SCAPER: variants seen among roughly 807,000 people sequenced by gnomAD.
SCAPER encodes S-phase cyclin A associated protein in the ER, also known as S phase cyclin A-associated protein in the endoplasmic reticulum.
Under a neutral mutation model 182.2 loss-of-function variants are expected in SCAPER, and 98 were observed. That is an observed-to-expected ratio of 0.54 (90% confidence interval 0.46 to 0.64). SCAPER has a LOEUF of 0.64. Among genes scored for constraint, SCAPER ranks in the 30% least tolerant of loss-of-function variants. The pLI is 0.00. For missense variants in SCAPER, 1,432 were observed against 1,690.0 expected (o/e 0.85, Z 2.68); for synonymous variants, 605 against 564.6 (o/e 1.07, Z -1.01).
chr15:76,828,683 C>T (rs866504503), intron 5 of SCAPER, among the ~76,000 whole-genome samples: 8 of 152,128 alleles, frequency 5.3e-5, no homozygotes, highest in Admixed American at 6.5e-5. Context: ...AGAAAAGATA[C>T]AGATACAGAT....
chr15:76,632,858 C>T (rs2053244466), intron 21 of SCAPER, among the ~76,000 whole-genome samples: 1 of 150,394 alleles, frequency 6.6e-6, no homozygotes, highest in South Asian at 2.1e-4. Context: ...CTGCAGCCTC[C>T]ACACCTCCCA....
At chr15:76,673,950 T>TAC (rs1491530396) in intron 20 of SCAPER, among the ~76,000 whole-genome samples, 11 of 76,970 alleles carry the variant, frequency 1.4e-4, no homozygotes, top group Non-Finnish European at 8.3e-5. Flanking sequence ...ATAATTTATC[T>TAC]ATACACACAC....
intron 17 of SCAPER, among the ~76,000 whole-genome samples, chr15:76,713,793 A>G (rs989255008): frequency 2.0e-5 from 3 of 152,070 alleles, no homozygotes; most frequent in Admixed American, 2.0e-4. Flanking sequence ...AATAAAATAA[A>G]TTTTAAAAAA....
chr15:76,376,367 A>G lies in SCAPER; in HGVS notation c.3706-56T>C. The G allele has an allele frequency of 2.0e-6, 3 of 1,522,282 alleles. No individual in the cohort carries two copies. In the South Asian group the frequency reaches 3.8e-5, roughly 19 times the overall value. 94.3% of individuals were successfully genotyped at this position (1,522,282 alleles called of 1,614,324 possible). On this transcript the variant is annotated intron_variant, in intron 28 of 31. Coordinates refer to ENST00000563290, the MANE Select transcript of SCAPER (RefSeq NM_020843.4). Reference sequence around the variant, plus strand: ...TCAGCCCAGGGAGAGCCAGGGCTGCAAATCACAAAGCAAGACTGGCCCTGT... The same window carrying G: ...TCAGCCCAGGGAGAGCCAGGGCTGCGAATCACAAAGCAAGACTGGCCCTGT...
At chr15:76,534,831 T>C (rs1231470635) in intron 23 of SCAPER, among the ~76,000 whole-genome samples, 1 of 152,200 alleles carries the variant, frequency 6.6e-6, no homozygotes, top group African/African-American at 2.4e-5. Flanking sequence ...ATTTATAAAT[T>C]ACAAGGTTAT....
chr15:76,875,014 T>C (rs1008805605), intron 2 of SCAPER, among the ~76,000 whole-genome samples: 2 of 152,072 alleles, frequency 1.3e-5, no homozygotes, highest in African/African-American at 2.4e-5. Context: ...GCAATGAATT[T>C]GTAAATCTCT....
At chr15:76,795,049 TCTTTA>T (rs2065230473) in intron 8 of SCAPER, among the ~76,000 whole-genome samples, 1 of 152,234 alleles carries the variant, frequency 6.6e-6, no homozygotes. Flanking sequence ...GACCTCATTC[TCTTTA>T]AAGTTTACAC....
intron 23 of SCAPER, chr15:76,567,140 T>C (rs936175485): frequency 4.0e-6 from 1 of 249,444 alleles, no homozygotes; most frequent in African/African-American, 2.3e-5. Flanking sequence ...ATGACTGGAA[T>C]TGTAACAGTA....
At chr15:76,522,587 G>C (rs1445878519) in intron 23 of SCAPER, among the ~76,000 whole-genome samples, 1 of 152,132 alleles carries the variant, frequency 6.6e-6, no homozygotes, top group Non-Finnish European at 1.5e-5. Context: ...GCAAACTTCA[G>C]ATTTTTACAC....
intron 5 of SCAPER, among the ~76,000 whole-genome samples, chr15:76,812,316 G>GA (rs914893273): frequency 5.1e-4 from 74 of 144,938 alleles, no homozygotes; most frequent in African/African-American, 8.0e-4. Context: ...TCCGTCTCAA[G>GA]AAAAAAAAAA....
intron 26 of SCAPER, among the ~76,000 whole-genome samples, chr15:76,410,816 A>C (rs1449911444): frequency 6.7e-6 from 1 of 148,956 alleles, no homozygotes; most frequent in Non-Finnish European, 1.5e-5. Context: ...TTCTCCTGTT[A>C]CCTTATTTGA....
At chr15:76,721,463 A>G (rs1480499747) in intron 17 of SCAPER, among the ~76,000 whole-genome samples, 1 of 151,948 alleles carries the variant, frequency 6.6e-6, no homozygotes, top group Non-Finnish European at 1.5e-5. Context: ...TTCTGTGAAG[A>G]AAGTCATTGG....
chr15:76,574,139 C>A lies in SCAPER; in HGVS notation c.2838+19G>T, dbSNP rs1213193233. 6.3e-7 allele frequency: 1 copy of A among 1,587,734 alleles called. No individual in the cohort carries two copies. Among genetic ancestry groups the A allele is most frequent in the Admixed American group, 1.8e-5 (1 of 57,120 alleles). On this transcript the variant is annotated intron_variant, in intron 23 of 31. Transcript: ENST00000563290. ...GATCACAAAGATTAAGGTTCAAAAG[C>A]CAGATATTAGTTACACACCTCTTTT... is the stretch of plus-strand genomic sequence containing the variant.
At chr15:76,705,163 T>C (rs1327205089) in intron 18 of SCAPER, among the ~76,000 whole-genome samples, 3 of 151,914 alleles carry the variant, frequency 2.0e-5, no homozygotes, top group African/African-American at 7.3e-5. Flanking sequence ...CCAACATTGA[T>C]AGACTGGATT....
intron 25 of SCAPER, among the ~76,000 whole-genome samples, chr15:76,469,898 T>A (rs2049998939): frequency 6.6e-6 from 1 of 150,460 alleles, no homozygotes; most frequent in African/African-American, 2.4e-5. Context: ...TGATAGAATT[T>A]TTTTTTTGCT....
In SCAPER at chr15:76,873,331, AAGGCAGGCAGGCAGGCAGGCAGGC is replaced by A. The variant is rs56176862; in HGVS notation, c.6+10457_6+10480del. On this transcript the variant is annotated intron_variant, in intron 2 of 31. Coordinates refer to ENST00000563290, the MANE Select transcript of SCAPER (RefSeq NM_020843.4). ...GAAGGAAGGAAGGAAGGAAGGAAGG[AAGGCAGGCAGGCAGGCAGGCAGGC>A]AGGCAGGCAGGCAGGCAGGCAGGCA... Among the ~76,000 whole-genome samples the A allele has an allele frequency of 5.1e-3, 431 of 83,740 alleles. 8 individuals carry two copies. Among genetic ancestry groups the A allele is most frequent in the African/African-American group, 0.014 (314 of 22,018 alleles). The allele number at this position is 83,740 out of a possible 152,430, so 54.9% of individuals were successfully genotyped here. A position where few individuals can be genotyped will look rare whatever the true frequency, so the allele number is the denominator to read the frequency against.
At chr15:76,422,635 G>C (rs938782183) in intron 26 of SCAPER, among the ~76,000 whole-genome samples, 17 of 152,224 alleles carry the variant, frequency 1.1e-4, no homozygotes, top group Non-Finnish European at 2.1e-4. Flanking sequence ...TGATTGCCCT[G>C]GCCAGAACTT....
At chr15:76,606,132 T>C (rs1019145496) in intron 22 of SCAPER, among the ~76,000 whole-genome samples, 5 of 152,240 alleles carry the variant, frequency 3.3e-5, no homozygotes, top group African/African-American at 1.2e-4. Context: ...ATTTTAGATC[T>C]TTCCTGCTTT....
chr15:76,856,244 CAACA>C lies in SCAPER; in HGVS notation c.195+1561_195+1564del, dbSNP rs1057178783. On this transcript the variant is annotated intron_variant, in intron 4 of 31. Transcript: ENST00000563290. Reference sequence around the variant, plus strand: ...GAACTCATGAACACAAAGAAGGGAACAACAAACAGAGGGGCCTCCTTGAGGGTGG... The same window carrying C: ...GAACTCATGAACACAAAGAAGGGAACAACAGAGGGGCCTCCTTGAGGGTGG... 3.3e-5 allele frequency among the ~76,000 whole-genome samples: 5 copies of C among 152,004 alleles called. No individual in the cohort carries two copies. In the East Asian group the frequency reaches 9.7e-4, roughly 29 times the overall value.
Sources: gnomAD v4.1 joint callset for allele counts (sites outside exome capture counted in the v4.1 genomes callset) on GRCh38, gnomAD v4.1.1 for gene constraint, MANE v1.5 for transcripts, NCBI Gene and HGNC (gene_info 2026-07-23, HGNC 2026-07-21) for gene names.